NKAPD1: variants seen among roughly 807,000 people sequenced by gnomAD.
NKAPD1 encodes the protein uncharacterized protein NKAPD1.
NKAPD1 carries 12 observed loss-of-function variants against 30.9 expected under a neutral mutation model. The observed-to-expected ratio is 0.39, with a 90% CI of 0.25 to 0.63. The LOEUF (loss-of-function observed/expected upper bound fraction) is 0.63. Ranked by LOEUF, NKAPD1 falls within the 20% of genes least tolerant of loss-of-function variation. NKAPD1 has a pLI of 0.51. For missense variants in NKAPD1, 311 were observed against 344.5 expected (o/e 0.90, Z 0.77); for synonymous variants, 91 against 113.6 (o/e 0.80, Z 1.26).
chr11:112,078,223 G>C lies in NKAPD1; in HGVS notation c.78G>C (p.Glu26Asp). 1 of 1,602,706 alleles carries C rather than the reference G, an allele frequency of 6.2e-7. No individual in the cohort carries two copies. Among genetic ancestry groups the C allele is most frequent in the Non-Finnish European group, 8.5e-7 (1 of 1,174,872 alleles). ...RHTDAHNKIQ[E>D]ESDMWKIREL... ...CTTTTTAAAAATTCTAGATTCAGGA[G>C]GAATCAGATATGTGGAAAATAAGAG... The change falls in exon 3 of 6, where the codon GAG (glutamate) becomes GAC (aspartate). Residue 26 changes from glutamate to aspartate, a missense_variant. By Grantham distance (45) the Glu-to-Asp change is conservative. Transcript: ENST00000393047.
intron 2 of NKAPD1, among the ~76,000 whole-genome samples, chr11:112,076,339 A>G (rs1865330944): frequency 1.3e-5 from 2 of 152,176 alleles, no homozygotes; most frequent in Admixed American, 1.3e-4. Context: ...GAGGGTTCGC[A>G]TGAAATTAGT....
Position 112,082,054 on chromosome 11 carries a change from C to T in NKAPD1, c.374+19C>T, listed in dbSNP as rs752957285. On this transcript the variant is annotated intron_variant, in intron 5 of 5. Transcript: ENST00000393047. ...CAGACAGGTAAGGAAAATAGGCTTA[C>T]TGAAAGAAACTAAGATGGTACAAAA... The T allele has an allele frequency of 4.1e-5, 64 of 1,576,476 alleles. 1 individual carries two copies. Among genetic ancestry groups the T allele is most frequent in the Non-Finnish European group, 4.8e-5 (55 of 1,147,250 alleles).
rs1341674881 is a variant in NKAPD1 at position 112,085,058 on chromosome 11, AAAG to A, written c.*2091_*2093del. The stretch of plus-strand genomic sequence containing the variant: ...TATATTAAATTCTAAAATGGGATTA[AAAG>A]AAGAGTTGGAGAATTCACACTTATT... On this transcript the variant is annotated 3_prime_UTR_variant, in exon 6 of 6. Coordinates refer to ENST00000393047, the MANE Select transcript of NKAPD1 (RefSeq NM_018195.4). The A allele has an allele frequency of 2.6e-6, 1 of 379,306 alleles. No homozygotes were observed. Among genetic ancestry groups the A allele is most frequent in the African/African-American group, 2.0e-5 (1 of 49,260 alleles). 23.5% of individuals were successfully genotyped at this position (379,306 alleles called of 1,614,324 possible).
At chr11:112,080,621 A>G (rs748977193) in intron 4 of NKAPD1, 63 bp downstream of exon 4, 88 of 1,547,504 alleles carry the variant, frequency 5.7e-5, no homozygotes, top group Non-Finnish European at 7.0e-5. Context: ...ATCAAAATTA[A>G]TTGTCCCCAC....
chr11:112,081,956 A>C (rs1865462071), intron 4 of NKAPD1, 26 bp from the exon 5 acceptor site: 4 of 1,602,634 alleles, frequency 2.5e-6, no homozygotes, highest in Middle Eastern at 1.7e-4. Context: ...TTGCTTTAAC[A>C]ATACATGTGA....
intron 2 of NKAPD1, among the ~76,000 whole-genome samples, chr11:112,077,985 A>T (rs1470470192): frequency 6.6e-6 from 1 of 151,950 alleles, no homozygotes; most frequent in East Asian, 1.9e-4. Flanking sequence ...AGCTGGGATT[A>T]CAGGTGCATG....
chr11:112,082,153 T>C (rs1865467093), intron 5 of NKAPD1, 118 bp downstream of exon 5: 1 of 864,480 alleles, frequency 1.2e-6, no homozygotes, highest in Non-Finnish European at 1.8e-6. Flanking sequence ...AGAGAAACAA[T>C]AGGTGATTTA....
chr11:112,080,428 T>A lies in NKAPD1; in HGVS notation c.190T>A (p.Phe64Ile), dbSNP rs906779649. ...TTTTAGCCGGATGCGCAGTGATGGT[T>A]TTGATGAAGAAAGTCAAAGATACTA... Reference protein sequence around the residue: ...SSSSRMRSDGFDEESQRYYWR... With the variant: ...SSSSRMRSDGIDEESQRYYWR... The change falls in exon 4 of 6, where the codon TTT (phenylalanine) becomes ATT (isoleucine). Residue 64 changes from phenylalanine (F) to isoleucine (I), a missense_variant. Physicochemically the swap from Phe to Ile is conservative, Grantham distance 21. Coordinates refer to ENST00000393047, the MANE Select transcript of NKAPD1 (RefSeq NM_018195.4). 2 of 1,613,860 alleles carry A rather than the reference T, an allele frequency of 1.2e-6. No homozygotes were observed. Among genetic ancestry groups the A allele is most frequent in the Non-Finnish European group, 8.5e-7 (1 of 1,180,014 alleles).
At position 112,082,019 on chromosome 11, in the gene NKAPD1, G is replaced by C. The variant is rs150961853; in HGVS notation, c.358G>C (p.Glu120Gln). ...TGGTTATAAAGAGTTATACCCTGAA[G>C]AATTTGAAACAGACAGGTAAGGAAA... Reference protein sequence around the residue: ...HSGYKELYPEEFETDSSDQQD... With the variant: ...HSGYKELYPEQFETDSSDQQD... The change falls in exon 5 of 6, where the codon GAA becomes CAA. Residue 120 changes from glutamate to glutamine, a missense_variant. Glu to Gln is a conservative substitution (Grantham distance 29). Coordinates refer to ENST00000393047, the MANE Select transcript of NKAPD1 (RefSeq NM_018195.4). 4.0e-3 allele frequency: 6,373 copies of C among 1,611,710 alleles called. 23 individuals carry two copies. Among genetic ancestry groups the C allele is most frequent in the Non-Finnish European group, 5.0e-3 (5,834 of 1,178,154 alleles).
At position 112,074,705 on chromosome 11, in the gene NKAPD1, C is replaced by G; in HGVS notation, c.-220C>G. ...CAGTCCGGGAGAGAGATCTGCCTGTCGGTCTGGGCTGGGGGAAACGCGGCA... is the reference window on the plus strand; with the variant it reads ...CAGTCCGGGAGAGAGATCTGCCTGTGGGTCTGGGCTGGGGGAAACGCGGCA... On this transcript the variant is annotated 5_prime_UTR_variant, in exon 1 of 6. Transcript: ENST00000393047. 2.6e-6 allele frequency: 1 copy of G among 388,066 alleles called. No individual in the cohort carries two copies. Among genetic ancestry groups the G allele is most frequent in the Non-Finnish European group, 4.6e-6 (1 of 219,694 alleles). 24.0% of individuals were successfully genotyped at this position (388,066 alleles called of 1,614,324 possible).
Position 112,074,373 on chromosome 11 carries a change from G to C in NKAPD1, c.-552G>C, listed in dbSNP as rs1352427642. ...TGCGGCGCACGGTATGGGTGTGTTT[G>C]TGTGTATTTGTGTGGGGAGGGCGTT... On this transcript the variant is annotated 5_prime_UTR_variant, in exon 1 of 6. Transcript: ENST00000393047. 2 of 399,030 alleles carry C rather than the reference G, an allele frequency of 5.0e-6. No homozygotes were observed. Among genetic ancestry groups the C allele is most frequent in the African/African-American group, 2.1e-5 (1 of 48,640 alleles). 24.7% of individuals were successfully genotyped at this position (399,030 alleles called of 1,614,324 possible). A position where few individuals can be genotyped will look rare whatever the true frequency, so the allele number is the denominator to read the frequency against.
intron 3 of NKAPD1, among the ~76,000 whole-genome samples, chr11:112,079,906 G>A (rs1024977584): frequency 6.6e-6 from 1 of 151,652 alleles, no homozygotes; most frequent in Non-Finnish European, 1.5e-5. Flanking sequence ...CTGCCTCCCC[G>A]GGTTCAGGCA....
rs10255 is a variant in NKAPD1, at chr11:112,083,292, C to T, written c.*320C>T. The T allele has an allele frequency of 1.0e-5, 2 of 190,736 alleles. No homozygotes were observed. The highest frequency in any genetic ancestry group is 2.2e-5 in the Non-Finnish European group (2 of 92,572). The allele number at this position is 190,736 out of a possible 1,614,324, so 11.8% of individuals were successfully genotyped here. The stretch of plus-strand genomic sequence containing the variant: ...TGGATCCAATAGTGACCTGGGTACA[C>T]CAATCGGAATATTGAATTTGGGGAA... On this transcript the variant is annotated 3_prime_UTR_variant, in exon 6 of 6. Transcript: ENST00000393047.
chr11:112,080,485 C>A lies in NKAPD1; in HGVS notation c.247C>A (p.Leu83Met), dbSNP rs756156654. The A allele has an allele frequency of 6.2e-7, 1 of 1,613,980 alleles. No individual in the cohort carries two copies. Among genetic ancestry groups the A allele is most frequent in the Non-Finnish European group, 8.5e-7 (1 of 1,179,978 alleles). The change falls in exon 4 of 6, where the codon CTG (leucine) becomes ATG (methionine). Residue 83 changes from leucine (L) to methionine (M), a missense_variant. By Grantham distance (15) the Leu-to-Met change is conservative (BLOSUM62 2). Coordinates refer to ENST00000393047, the MANE Select transcript of NKAPD1 (RefSeq NM_018195.4). ...GCCAAAGAATGAAATTTCTGGGACA[C>A]TGGAAGATGATTTTCTTAAGGCTAA... ...WRPKNEISGT[L>M]EDDFLKAKSW... is the part of the protein sequence containing the mutation.
At chr11:112,082,225 T>G (rs1270018321) in intron 5 of NKAPD1, 190 bp downstream of exon 5, 1 of 697,914 alleles carries the variant, frequency 1.4e-6, no homozygotes, top group Non-Finnish European at 2.3e-6. Context: ...TGTAAGCATT[T>G]TGGTTTTTAT....
chr11:112,085,100 C>T lies in NKAPD1; in HGVS notation c.*2128C>T, dbSNP rs1865560415. ...TTCACACTTATTGAGTAACTGATGTCATACAACCTGGAATTTCTGAATTCC... is the reference window on the plus strand; with the variant it reads ...TTCACACTTATTGAGTAACTGATGTTATACAACCTGGAATTTCTGAATTCC... On this transcript the variant is annotated 3_prime_UTR_variant, in exon 6 of 6. Transcript: ENST00000393047. 2 of 455,974 alleles carry T rather than the reference C, an allele frequency of 4.4e-6. No homozygotes were observed. Among genetic ancestry groups the T allele is most frequent in the East Asian group, 6.3e-5 (2 of 31,578 alleles). The allele number at this position is 455,974 out of a possible 1,614,324, so 28.2% of individuals were successfully genotyped here.
chr11:112,077,992 C>G (rs1020762492), intron 2 of NKAPD1, among the ~76,000 whole-genome samples: 1 of 151,966 alleles, frequency 6.6e-6, no homozygotes, highest in African/African-American at 2.4e-5. Flanking sequence ...ATTACAGGTG[C>G]ATGCTACCAC....
rs1044393648 is a variant in NKAPD1, at chr11:112,083,871, A to G, written c.*899A>G. 7.9e-5 allele frequency: 12 copies of G among 152,562 alleles called. No individual in the cohort carries two copies. Among genetic ancestry groups the G allele is most frequent in the Non-Finnish European group, 1.5e-5 (1 of 68,028 alleles). 9.5% of individuals were successfully genotyped at this position (152,562 alleles called of 1,614,324 possible). On this transcript the variant is annotated 3_prime_UTR_variant, in exon 6 of 6. Coordinates refer to ENST00000393047, the MANE Select transcript of NKAPD1 (RefSeq NM_018195.4). ...GTTTTCCCTGAAACTAAGTTGAATTATTTCCAAAATGAAACAGGCTTCTCA... is the reference window on the plus strand; with the variant it reads ...GTTTTCCCTGAAACTAAGTTGAATTGTTTCCAAAATGAAACAGGCTTCTCA...
In NKAPD1 at chr11:112,082,883, AACAATGAAAT is replaced by A; in HGVS notation, c.797_806del (p.Asn266ArgfsTer12). The A allele has an allele frequency of 2.5e-6, 4 of 1,613,524 alleles. No homozygotes were observed. The highest frequency in any genetic ancestry group is 3.4e-6 in the Non-Finnish European group (4 of 1,179,928). On this transcript the variant is annotated frameshift_variant, in exon 6 of 6. Transcript: ENST00000393047. LOFTEE classifies it high-confidence loss of function. ...GAAAAAAGCCCATACCTCTGTAGCC[AACAATGAAAT>A]ACAGGAGAGGACAAACAAACGCACA...
Sources: allele counts gnomAD v4.1 joint callset (sites outside exome capture counted in the v4.1 genomes callset), GRCh38; gene constraint gnomAD v4.1.1; transcripts MANE v1.5; gene names NCBI Gene and HGNC (gene_info 2026-07-23, HGNC 2026-07-21).